The following ASB3 variants were observed in gnomAD, a reference collection of about 807,000 sequenced individuals.
ASB3 encodes the protein ankyrin repeat and SOCS box protein 3.
ASB3 carries 41 observed loss-of-function variants against 54.5 expected under a neutral mutation model. The ratio of observed to expected loss-of-function variants is 0.75; its 90% confidence interval spans 0.59 to 0.98. The LOEUF (loss-of-function observed/expected upper bound fraction) is 0.98. Among genes scored for constraint, ASB3 ranks in the 50% least tolerant of loss-of-function variants. The pLI is 0.00. For missense variants in ASB3, 733 were observed against 620.0 expected (o/e 1.18, Z -1.94); for synonymous variants, 266 against 221.2 (o/e 1.20, Z -1.80).
chr2:53,707,210 C>T lies in ASB3; in HGVS notation c.981-6682G>A, dbSNP rs111968404. Among the ~76,000 whole-genome samples, 21 of 152,320 alleles carry T rather than the reference C, an allele frequency of 1.4e-4. 1 individual carries two copies. The highest frequency in any genetic ancestry group is 3.1e-4 in the African/African-American group (13 of 41,582). ...GGGAAACTGAAGAAGTAATTTATAA[C>T]GCTACTTAATTTTCATTAATTTAAA... On this transcript the variant is annotated intron_variant, in intron 7 of 9. Coordinates refer to ENST00000263634, the MANE Select transcript of ASB3 (RefSeq NM_016115.5).
intron 3 of ASB3, among the ~76,000 whole-genome samples, chr2:53,743,161 T>C (rs555312049): frequency 2.9e-5 from 4 of 139,472 alleles, no homozygotes; most frequent in Non-Finnish European, 6.1e-5. Flanking sequence ...TCAATTTTTT[T>C]ACCTTTTTTT....
intron 8 of ASB3, among the ~76,000 whole-genome samples, chr2:53,697,550 G>A (rs1022714393): frequency 2.0e-5 from 3 of 152,136 alleles, no homozygotes; most frequent in Non-Finnish European, 4.4e-5. Context: ...TGGTATCTGA[G>A]GGGGATGAGA....
chr2:53,693,109 A>G (rs987897537), intron 9 of ASB3, among the ~76,000 whole-genome samples: 1 of 152,192 alleles, frequency 6.6e-6, no homozygotes, highest in Admixed American at 6.6e-5. Context: ...GAAGAGTTAC[A>G]TTTCATGTAA....
At chr2:53,737,145 T>C (rs1298258082) in intron 3 of ASB3, among the ~76,000 whole-genome samples, 6 of 152,046 alleles carry the variant, frequency 3.9e-5, no homozygotes, top group Admixed American at 3.9e-4. Flanking sequence ...ACAAAATATA[T>C]AAGGTAACTT....
chr2:53,733,093 C>T (rs1003749450), intron 3 of ASB3, among the ~76,000 whole-genome samples: 1 of 152,164 alleles, frequency 6.6e-6, no homozygotes, highest in African/African-American at 2.4e-5. Context: ...CAGAGTCAAC[C>T]ACTCACGTAT....
intron 9 of ASB3, among the ~76,000 whole-genome samples, chr2:53,690,845 C>A (rs1005484448): frequency 6.6e-5 from 10 of 152,092 alleles, no homozygotes; most frequent in Non-Finnish European, 1.5e-4. Flanking sequence ...AGAGAGTTTC[C>A]TGGGGTCCTT....
chr2:53,715,441 C>T (rs186359394), intron 6 of ASB3, among the ~76,000 whole-genome samples: 1 of 152,114 alleles, frequency 6.6e-6, no homozygotes, highest in African/African-American at 2.4e-5. Flanking sequence ...GTAGAACTTA[C>T]ACTCACAAAA....
At chr2:53,699,440 C>T (rs566807494) in intron 8 of ASB3, among the ~76,000 whole-genome samples, 11 of 152,204 alleles carry the variant, frequency 7.2e-5, no homozygotes, top group Admixed American at 2.0e-4. Flanking sequence ...CAAGTCATAT[C>T]GAATCAGAGT....
chr2:53,744,150 G>A lies in ASB3; in HGVS notation c.355+6633C>T, dbSNP rs191321822. On this transcript the variant is annotated intron_variant, in intron 3 of 9. Coordinates refer to ENST00000263634, the MANE Select transcript of ASB3 (RefSeq NM_016115.5). ...CCAGCACTTTGGGAAGCCGAGGCAG[G>A]TGGACTGCGAGGTCAGGAGATCTAG... is the stretch of plus-strand genomic sequence containing the variant. Among the ~76,000 whole-genome samples, 187 of 152,094 alleles carry A rather than the reference G, an allele frequency of 1.2e-3. 2 individuals are homozygous for A. Among genetic ancestry groups the A allele is most frequent in the African/African-American group, 4.5e-3 (187 of 41,490 alleles).
intron 1 of ASB3, chr2:53,774,446 A>T: frequency 6.2e-7 from 1 of 1,607,100 alleles, no homozygotes; most frequent in Non-Finnish European, 8.5e-7. Flanking sequence ...GTGCCAGAAG[A>T]AGCAGATGAG....
chr2:53,731,970 T>C (rs1008978263), intron 3 of ASB3, among the ~76,000 whole-genome samples: 7 of 147,422 alleles, frequency 4.7e-5, no homozygotes, highest in African/African-American at 1.8e-4. Context: ...CAGTTTGTTT[T>C]ATTTTGAGAT....
intron 1 of ASB3, among the ~76,000 whole-genome samples, chr2:53,782,040 G>T (rs1020478104): frequency 6.6e-6 from 1 of 152,134 alleles, no homozygotes; most frequent in East Asian, 1.9e-4. Context: ...TAGGCAGGCT[G>T]GTGCACACCT....
intron 9 of ASB3, among the ~76,000 whole-genome samples, chr2:53,671,354 G>GTGTC (rs1491566700): frequency 1.5e-4 from 1 of 6,836 alleles, no homozygotes; most frequent in African/African-American, 6.0e-4. Context: ...AACCCAAAGC[G>GTGTC]TGTGTGTGTG....
intron 2 of ASB3, chr2:53,756,964 C>T (rs1046446251): frequency 1.2e-5 from 2 of 165,850 alleles, no homozygotes; most frequent in Admixed American, 6.3e-5. Flanking sequence ...ACACTCACCG[C>T]ATGACCCAAG....
At chr2:53,690,251 AAATT>A (rs1199194405) in intron 9 of ASB3, among the ~76,000 whole-genome samples, 13 of 151,544 alleles carry the variant, frequency 8.6e-5, no homozygotes, top group South Asian at 2.1e-4. Flanking sequence ...ATAAATAAAT[AAATT>A]AATTAATTAA....
intron 2 of ASB3, among the ~76,000 whole-genome samples, chr2:53,761,716 G>C (rs1442003245): frequency 6.6e-6 from 1 of 152,130 alleles, no homozygotes; most frequent in Non-Finnish European, 1.5e-5. Context: ...AATTACATTA[G>C]CCAATTCCCA....
At chr2:53,776,342 T>G (rs898659419) in intron 1 of ASB3, among the ~76,000 whole-genome samples, 17 of 152,352 alleles carry the variant, frequency 1.1e-4, no homozygotes, top group African/African-American at 3.1e-4. Flanking sequence ...TCCCTGGTTC[T>G]TTCTTTCCAG....
chr2:53,743,741 G>A (rs1377377095), intron 3 of ASB3, among the ~76,000 whole-genome samples: 1 of 152,104 alleles, frequency 6.6e-6, no homozygotes, highest in Non-Finnish European at 1.5e-5. Context: ...TTTCATAATT[G>A]CTTACATTAA....
intron 9 of ASB3, among the ~76,000 whole-genome samples, chr2:53,689,400 A>G (rs1448618190): frequency 6.6e-6 from 1 of 152,222 alleles, no homozygotes; most frequent in Non-Finnish European, 1.5e-5. Context: ...AGCAAGATAC[A>G]TGTTCTTGCT....
Sources: gnomAD v4.1 joint callset for allele counts (sites outside exome capture counted in the v4.1 genomes callset) on GRCh38, gnomAD v4.1.1 for gene constraint, MANE v1.5 for transcripts, NCBI Gene and HGNC (gene_info 2026-07-23, HGNC 2026-07-21) for gene names.